The following SBSPON variants were observed in gnomAD, a reference collection of about 807,000 sequenced individuals.
SBSPON encodes somatomedin B and thrombospondin type 1 domain containing.
SBSPON carries 30 observed loss-of-function variants against 35.8 expected under a neutral mutation model. The ratio of observed to expected loss-of-function variants is 0.84; its 90% CI spans 0.63 to 1.14. The LOEUF is 1.14. SBSPON is among the 50% of genes most tolerant of loss of function. The pLI is 0.00. For synonymous variants in SBSPON, 136 were observed against 135.9 expected (o/e 1.00, Z 0.00); for missense variants, 364 against 357.7 (o/e 1.02, Z -0.14).
chr8:73,078,182 C>G (rs1013582531), intron 2 of SBSPON, among the ~76,000 whole-genome samples: 4 of 152,092 alleles, frequency 2.6e-5, no homozygotes, highest in Non-Finnish European at 5.9e-5. Flanking sequence ...TCCCATGGGT[C>G]TGGGTGGGGC....
chr8:73,086,864 C>A (rs1810837550), intron 1 of SBSPON, among the ~76,000 whole-genome samples: 1 of 152,164 alleles, frequency 6.6e-6, no homozygotes, highest in Non-Finnish European at 1.5e-5. Flanking sequence ...AAATTTTCTG[C>A]AACAAACATA....
At chr8:73,082,015 C>G (rs543867218) in intron 1 of SBSPON, among the ~76,000 whole-genome samples, 1 of 152,178 alleles carries the variant, frequency 6.6e-6, no homozygotes, top group Non-Finnish European at 1.5e-5. Flanking sequence ...AGCAAACAGC[C>G]GTGCACTGGG....
At chr8:73,077,178 T>G (rs1810609014) in intron 2 of SBSPON, among the ~76,000 whole-genome samples, 1 of 152,352 alleles carries the variant, frequency 6.6e-6, no homozygotes, top group Non-Finnish European at 1.5e-5. Context: ...AGTGCTGGGA[T>G]TACAGGCATG....
At chr8:73,075,556 C>G (rs551641429) in intron 2 of SBSPON, 2 of 152,324 alleles carry the variant, frequency 1.3e-5, no homozygotes, top group Non-Finnish European at 2.9e-5. Context: ...TGTTCACAGG[C>G]GATTTGCCAA....
intron 1 of SBSPON, among the ~76,000 whole-genome samples, chr8:73,091,995 A>ACT (rs150706248): frequency 0.016 from 2,397 of 152,262 alleles, 42 homozygotes; most frequent in African/African-American, 0.054. Flanking sequence ...GAGCAGGGCG[A>ACT]CTTCCACTTC....
At chr8:73,087,188 A>G (rs989319839) in intron 1 of SBSPON, among the ~76,000 whole-genome samples, 1 of 152,212 alleles carries the variant, frequency 6.6e-6, no homozygotes, top group African/African-American at 2.4e-5. Context: ...TCTGAGGCAG[A>G]AAAACATCAT....
chr8:73,089,716 CAAATG>C (rs1157263309), intron 1 of SBSPON, among the ~76,000 whole-genome samples: 1 of 152,124 alleles, frequency 6.6e-6, no homozygotes, highest in African/African-American at 2.4e-5. Context: ...AATATTTAAT[CAAATG>C]AAATATTCTC....
intron 1 of SBSPON, among the ~76,000 whole-genome samples, chr8:73,086,941 C>T (rs185918086): frequency 1.8e-4 from 28 of 152,234 alleles, no homozygotes; most frequent in East Asian, 1.2e-3. Flanking sequence ...ATGGCGGTGC[C>T]GTCTGAAGCC....
In SBSPON at chr8:73,071,769, C is replaced by T; in HGVS notation, c.500+11G>A. The T allele has an allele frequency of 1.5e-6, 2 of 1,326,292 alleles. No individual in the cohort carries two copies. Among genetic ancestry groups the T allele is most frequent in the Non-Finnish European group, 1.0e-6 (1 of 975,700 alleles). The allele number at this position is 1,326,292 out of a possible 1,614,324, so 82.2% of individuals were successfully genotyped here. A position where few individuals can be genotyped will look rare whatever the true frequency, so the allele number is the denominator to read the frequency against. On this transcript the variant is annotated intron_variant, in intron 3 of 4. Transcript: ENST00000297354. ...AAACATGATTAAAAAAAAAAAAAAA[C>T]ACGAAATTACCCAGCATCCTCTGTG...
At chr8:73,077,261 G>A (rs1483207552) in intron 2 of SBSPON, among the ~76,000 whole-genome samples, 2 of 152,338 alleles carry the variant, frequency 1.3e-5, no homozygotes, top group African/African-American at 4.8e-5. Context: ...AGCAGCCGTA[G>A]AAAATGAATA....
intron 2 of SBSPON, among the ~76,000 whole-genome samples, chr8:73,080,578 G>A (rs903295925): frequency 1.3e-5 from 2 of 152,112 alleles, no homozygotes; most frequent in Non-Finnish European, 2.9e-5. Flanking sequence ...ATTTTTCCAC[G>A]ATTTTTCCAC....
At chr8:73,069,706 C>T in intron 4 of SBSPON, 99 bp downstream of exon 4, 1 of 986,104 alleles carries the variant, frequency 1.0e-6, no homozygotes, top group Non-Finnish European at 1.6e-6. Context: ...CCAGTCATCC[C>T]TTGATATGTT....
chr8:73,075,028 G>T (rs2130001994), intron 2 of SBSPON, among the ~76,000 whole-genome samples: 1 of 152,198 alleles, frequency 6.6e-6, no homozygotes, highest in East Asian at 1.9e-4. Flanking sequence ...GGGCTTGGGG[G>T]TTTGCATTTT....
At chr8:73,085,767 C>T (rs1297432241) in intron 1 of SBSPON, 2 of 152,096 alleles carry the variant, frequency 1.3e-5, no homozygotes, top group Non-Finnish European at 2.9e-5. Flanking sequence ...CAAAATGAGC[C>T]GACAGCCAGA....
chr8:73,082,011 C>G (rs755612263), intron 1 of SBSPON, among the ~76,000 whole-genome samples: 67 of 152,188 alleles, frequency 4.4e-4, no homozygotes, highest in Non-Finnish European at 7.9e-4. Context: ...TCTCAGCAAA[C>G]AGCCGTGCAC....
At chr8:73,068,690 A>G (rs1033731262) in intron 4 of SBSPON, among the ~76,000 whole-genome samples, 5 of 152,142 alleles carry the variant, frequency 3.3e-5, no homozygotes, top group African/African-American at 1.2e-4. Context: ...TGACCCCACC[A>G]CTGTCTCAGT....
chr8:73,092,863 C>T lies in SBSPON; in HGVS notation c.205G>A (p.Ala69Thr). ...TGDCCFDYDRACPARPCFVGE... is the reference protein window; with the variant it reads ...TGDCCFDYDRTCPARPCFVGE... ...CGGCCTGACCACCCACCTGGGCACG[C>T]CCTGTCGTAGTCGAAGCAGCAGTCC... Residue 69 changes from alanine to threonine, a missense_variant, in exon 1 of 5, where the codon GCG becomes ACG. Physicochemically the swap from Ala to Thr is moderately conservative, Grantham distance 58. Coordinates refer to ENST00000297354, the MANE Select transcript of SBSPON (RefSeq NM_153225.4). 1 of 1,610,830 alleles carries T rather than the reference C, an allele frequency of 6.2e-7. No homozygotes were observed. The highest frequency in any genetic ancestry group is 8.5e-7 in the Non-Finnish European group (1 of 1,179,010).
intron 1 of SBSPON, among the ~76,000 whole-genome samples, chr8:73,088,996 T>C (rs930086919): frequency 4.6e-5 from 7 of 152,216 alleles, no homozygotes; most frequent in Non-Finnish European, 8.8e-5. Flanking sequence ...ACTCAGGACT[T>C]CCTGGATCTT....
chr8:73,078,232 C>T (rs573463299), intron 2 of SBSPON, among the ~76,000 whole-genome samples: 2 of 152,240 alleles, frequency 1.3e-5, no homozygotes, highest in East Asian at 1.9e-4. Context: ...CAGGACCACC[C>T]GTTAGGAATC....
Sources: allele counts gnomAD v4.1 joint callset (sites outside exome capture counted in the v4.1 genomes callset), GRCh38; gene constraint gnomAD v4.1.1; transcripts MANE v1.5; gene names NCBI Gene and HGNC (gene_info 2026-07-23, HGNC 2026-07-21).